Variants in LRFN2 observed in about 807,000 individuals in gnomAD.
LRFN2 encodes the protein leucine rich repeat and fibronectin type III domain containing 2, also known as leucine-rich repeat and fibronectin type-III domain-containing protein 2.
A neutral mutation model predicts 37.3 loss-of-function variants in LRFN2; 18 were observed. That is an observed-to-expected ratio of 0.48 (90% CI 0.33 to 0.72). LRFN2 has a LOEUF of 0.72. Ranked by LOEUF, LRFN2 falls within the 30% of genes least tolerant of loss-of-function variation. LRFN2 has a pLI of 0.02. For missense variants in LRFN2, 1,006 were observed against 1,060.7 expected (o/e 0.95, Z 0.72); for synonymous variants, 556 against 466.6 (o/e 1.19, Z -2.47).
chr6:40,412,996 A>G (rs752561738), intron 2 of LRFN2, among the ~76,000 whole-genome samples: 4 of 152,120 alleles, frequency 2.6e-5, no homozygotes, highest in Non-Finnish European at 5.9e-5. Context: ...GAATCTAAGA[A>G]GGTCAATGAT....
chr6:40,433,157 G>A, intron 1 of LRFN2, 26 bp from the exon 2 acceptor site: 2 of 1,506,674 alleles, frequency 1.3e-6, no homozygotes, highest in Non-Finnish European at 1.8e-6. Context: ...ACAAGCTCAG[G>A]GTCAGGAGGC....
rs1443410484 is a variant in LRFN2 at position 40,432,884 on chromosome 6, C to T, written c.230G>A (p.Gly77Glu). The T allele has an allele frequency of 6.2e-7, 1 of 1,614,058 alleles. No individual in the cohort carries two copies. Among genetic ancestry groups the T allele is most frequent in the Non-Finnish European group, 8.5e-7 (1 of 1,180,042 alleles). ...CCTGGACAGGGTCAGGTCCACCAGC[C>T]CCGTCATGTTGGCAAAGTCCTGGCG... ...ISRQDFANMT[G>E]LVDLTLSRNT... Residue 77 changes from glycine (G) to glutamate (E), a missense_variant, in exon 2 of 3, where the codon GGG becomes GAG. Gly to Glu is a moderately conservative substitution (Grantham distance 98). Transcript: ENST00000338305.
At chr6:40,533,577 C>G (rs1252346229) in intron 1 of LRFN2, among the ~76,000 whole-genome samples, 1 of 152,156 alleles carries the variant, frequency 6.6e-6, no homozygotes, top group African/African-American at 2.4e-5. Context: ...GGTACAACTT[C>G]CTAGACTCAG....
intron 1 of LRFN2, among the ~76,000 whole-genome samples, chr6:40,448,384 A>C (rs1335006820): frequency 6.6e-6 from 1 of 152,178 alleles, no homozygotes; most frequent in African/African-American, 2.4e-5. Flanking sequence ...GAGAATCAGG[A>C]GATCAGGGCG....
At chr6:40,478,233 G>C (rs1764750397) in intron 1 of LRFN2, among the ~76,000 whole-genome samples, 1 of 152,158 alleles carries the variant, frequency 6.6e-6, no homozygotes, top group Admixed American at 6.5e-5. Context: ...CCCATACTCT[G>C]TGCTATCATC....
At chr6:40,526,869 G>A (rs1358051439) in intron 1 of LRFN2, among the ~76,000 whole-genome samples, 1 of 152,160 alleles carries the variant, frequency 6.6e-6, no homozygotes, top group African/African-American at 2.4e-5. Context: ...CCTGGGAGAC[G>A]GTGCAGCCAG....
In LRFN2 at chr6:40,509,799, G is replaced by A. The variant is rs544154424; in HGVS notation, c.-18-76668C>T. 4.9e-4 allele frequency among the ~76,000 whole-genome samples: 74 copies of A among 150,002 alleles called. 1 individual carries two copies. The highest frequency in any genetic ancestry group is 9.9e-4 in the Admixed American group (15 of 15,076). ...CAGGCAGTGGGGTGGGGGTGCATGCGTGCCAGTATGCCAGGGAATACTGAG... is the reference window on the plus strand; with the variant it reads ...CAGGCAGTGGGGTGGGGGTGCATGCATGCCAGTATGCCAGGGAATACTGAG... On this transcript the variant is annotated intron_variant, in intron 1 of 2. Coordinates refer to ENST00000338305, the MANE Select transcript of LRFN2 (RefSeq NM_020737.3).
At chr6:40,475,452 G>A (rs1424805724) in intron 1 of LRFN2, among the ~76,000 whole-genome samples, 1 of 152,152 alleles carries the variant, frequency 6.6e-6, no homozygotes, top group Non-Finnish European at 1.5e-5. Context: ...GCAAAACGAG[G>A]TCCCAGGCCT....
chr6:40,395,521 C>A (rs887009986), intron 2 of LRFN2, among the ~76,000 whole-genome samples: 1 of 152,202 alleles, frequency 6.6e-6, no homozygotes, highest in African/African-American at 2.4e-5. Flanking sequence ...GTGGCCAATG[C>A]TGCAGGGGAC....
chr6:40,394,384 C>T (rs1007866118), intron 2 of LRFN2, among the ~76,000 whole-genome samples: 1 of 152,118 alleles, frequency 6.6e-6, no homozygotes, highest in South Asian at 2.1e-4. Context: ...CTCCTATTCC[C>T]TACTACTTGA....
intron 1 of LRFN2, among the ~76,000 whole-genome samples, chr6:40,492,359 CT>C (rs1242742821): frequency 6.6e-6 from 1 of 152,176 alleles, no homozygotes; most frequent in African/African-American, 2.4e-5. Flanking sequence ...ACAGCTCCCC[CT>C]GCTCCCCTGT....
At chr6:40,497,775 T>C (rs762089512) in intron 1 of LRFN2, among the ~76,000 whole-genome samples, 23 of 152,094 alleles carry the variant, frequency 1.5e-4, no homozygotes, top group Non-Finnish European at 2.9e-4. Flanking sequence ...CCAGGATTGA[T>C]GCATGGCCTT....
intron 1 of LRFN2, among the ~76,000 whole-genome samples, chr6:40,537,137 G>A (rs895033314): frequency 6.6e-5 from 10 of 152,182 alleles, no homozygotes; most frequent in African/African-American, 2.4e-4. Flanking sequence ...ATTGTTTCCA[G>A]GGACGGGGAG....
At chr6:40,438,353 C>T (rs538522661) in intron 1 of LRFN2, among the ~76,000 whole-genome samples, 1 of 152,204 alleles carries the variant, frequency 6.6e-6, no homozygotes, top group African/African-American at 2.4e-5. Context: ...GCACAAGGTA[C>T]CCTTGTGCAG....
rs955105721 is a variant in LRFN2 at position 40,420,072 on chromosome 6, A to C, written c.1400+11642T>G. Among the ~76,000 whole-genome samples the C allele has an allele frequency of 2.0e-5, 3 of 151,970 alleles. No homozygotes were observed. In the East Asian group the frequency reaches 5.8e-4, roughly 29 times the overall value. ...AGTTCATTCGCATATCTGGATCAGCACTCTTAACCACAGCATCAGCCCCAC... is the reference window on the plus strand; with the variant it reads ...AGTTCATTCGCATATCTGGATCAGCCCTCTTAACCACAGCATCAGCCCCAC... On this transcript the variant is annotated intron_variant, in intron 2 of 2. Coordinates refer to ENST00000338305, the MANE Select transcript of LRFN2 (RefSeq NM_020737.3).
At chr6:40,491,529 T>C (rs918320532) in intron 1 of LRFN2, among the ~76,000 whole-genome samples, 2 of 147,650 alleles carry the variant, frequency 1.4e-5, no homozygotes, top group African/African-American at 2.5e-5. Context: ...TATTTTGCCA[T>C]GTGACTGTGG....
chr6:40,548,615 G>T (rs910558954), intron 1 of LRFN2, among the ~76,000 whole-genome samples: 1 of 152,140 alleles, frequency 6.6e-6, no homozygotes, highest in African/African-American at 2.4e-5. Context: ...GGAGCTATGT[G>T]GTCCTGGAAG....
At chr6:40,565,575 T>C (rs2113791197) in intron 1 of LRFN2, among the ~76,000 whole-genome samples, 1 of 152,108 alleles carries the variant, frequency 6.6e-6, no homozygotes, top group South Asian at 2.1e-4. Context: ...CTCAGAAATA[T>C]TGCCACCTAT....
chr6:40,542,036 G>T (rs1766563166), intron 1 of LRFN2, among the ~76,000 whole-genome samples: 1 of 152,254 alleles, frequency 6.6e-6, no homozygotes, highest in East Asian at 1.9e-4. Context: ...CACCTGGAGA[G>T]ACTCTGCCAC....
Sources: allele counts gnomAD v4.1 joint callset (sites outside exome capture counted in the v4.1 genomes callset), GRCh38; gene constraint gnomAD v4.1.1; transcripts MANE v1.5; gene names NCBI Gene and HGNC (gene_info 2026-07-23, HGNC 2026-07-21).